The following SEC23A variants were observed in gnomAD, a reference collection of about 807,000 sequenced individuals.
The protein encoded by SEC23A is SEC23 homolog A, COPII component.
Under a neutral mutation model 103.7 loss-of-function variants are expected in SEC23A, and 56 were observed. That is an observed-to-expected ratio of 0.54 (90% CI 0.44 to 0.67). SEC23A has a LOEUF of 0.67. Ranked by LOEUF, SEC23A falls within the 30% of genes least tolerant of loss-of-function variation. The pLI, the probability that SEC23A is intolerant of heterozygous loss-of-function variation, is 0.00. For synonymous variants in SEC23A, 281 were observed against 293.0 expected (o/e 0.96, Z 0.42); for missense variants, 784 against 936.4 (o/e 0.84, Z 2.12).
At chr14:39,057,817 A>G (rs1017790590) in intron 13 of SEC23A, among the ~76,000 whole-genome samples, 1 of 152,202 alleles carries the variant, frequency 6.6e-6, no homozygotes, top group Non-Finnish European at 1.5e-5. Context: ...TTTTCTCTCA[A>G]CCTAAGTAAT....
intron 7 of SEC23A, among the ~76,000 whole-genome samples, chr14:39,084,027 T>C (rs1231875878): frequency 2.0e-5 from 3 of 152,084 alleles, no homozygotes; most frequent in African/African-American, 7.2e-5. Flanking sequence ...CTATTTTGTT[T>C]TGTTTTGTTT....
chr14:39,040,796 T>C lies in SEC23A; in HGVS notation c.2078A>G (p.Gln693Arg), dbSNP rs1230685660. 1.9e-6 allele frequency: 3 copies of C among 1,614,234 alleles called. No homozygotes were observed. The highest frequency in any genetic ancestry group is 1.7e-5 in the Admixed American group (1 of 60,030). The change falls in exon 18 of 20, where the codon CAG (glutamine) becomes CGG (arginine). Residue 693 changes from glutamine (Q) to arginine (R), a missense_variant. This residue lies in a region of SEC23A where 101 missense variants were observed against 162.2 expected (regional missense o/e 0.62). Transcript: ENST00000307712. ...HLLQAPVDDA[Q>R]EILHSRFPMP... is the part of the protein sequence containing the mutation. ...TGGAAATCTGGAGTGAAGAATTTCC[T>C]GTGCATCATCCACTGGGGCTTGCAG...
Position 39,056,988 on chromosome 14 carries a change from A to T in SEC23A, c.1506-1692T>A, listed in dbSNP as rs116190228. 4.5e-3 allele frequency among the ~76,000 whole-genome samples: 692 copies of T among 152,190 alleles called. 7 individuals carry two copies. Among genetic ancestry groups the T allele is most frequent in the African/African-American group, 0.016 (667 of 41,518 alleles). ...TAAGGTGGGAGAATCACTTAAGCCC[A>T]GAAGTTTTAGTTCAGCCTGGGAAAC... On this transcript the variant is annotated intron_variant, in intron 13 of 19. Transcript: ENST00000307712.
At chr14:39,098,366 T>C (rs755395785) in intron 1 of SEC23A, among the ~76,000 whole-genome samples, 16 of 152,174 alleles carry the variant, frequency 1.1e-4, no homozygotes, top group Admixed American at 3.3e-4. Context: ...TGCAAACCTC[T>C]TCCACATTTA....
At chr14:39,084,757 C>T (rs1335297655) in intron 7 of SEC23A, among the ~76,000 whole-genome samples, 1 of 152,192 alleles carries the variant, frequency 6.6e-6, no homozygotes, top group Non-Finnish European at 1.5e-5. Flanking sequence ...GCAACCTCCG[C>T]CTCTTGGGTT....
intron 14 of SEC23A, among the ~76,000 whole-genome samples, chr14:39,048,979 T>C (rs1409064356): frequency 6.6e-6 from 1 of 152,108 alleles, no homozygotes; most frequent in Non-Finnish European, 1.5e-5. Flanking sequence ...GGATATTTTT[T>C]AACTAAGTGT....
At chr14:39,048,528 A>T in intron 15 of SEC23A, 124 bp downstream of exon 15, 1 of 669,848 alleles carries the variant, frequency 1.5e-6, no homozygotes, top group Non-Finnish European at 2.7e-6. Context: ...TAAGCCCCGG[A>T]GTTCCAGGTT....
intron 7 of SEC23A, among the ~76,000 whole-genome samples, chr14:39,080,865 T>C (rs905110091): frequency 8.6e-5 from 13 of 151,688 alleles, no homozygotes; most frequent in Non-Finnish European, 1.2e-4. Flanking sequence ...ACAAAAACCC[T>C]ACAAGATAAA....
intron 1 of SEC23A, among the ~76,000 whole-genome samples, chr14:39,099,570 T>C (rs982285536): frequency 2.0e-5 from 3 of 152,210 alleles, no homozygotes; most frequent in Admixed American, 6.5e-5. Flanking sequence ...TTTGATAGTA[T>C]ATAACAAAAT....
rs61406777 is a variant in SEC23A at position 39,102,003 on chromosome 14, G to A, written c.-22+1029C>T. Among the ~76,000 whole-genome samples the A allele has an allele frequency of 1.5e-4, 23 of 152,158 alleles. No individual in the cohort carries two copies. The South Asian group carries it at 4.4e-3, about 29-fold the overall frequency. On this transcript the variant is annotated intron_variant, in intron 1 of 19. Coordinates refer to ENST00000307712, the MANE Select transcript of SEC23A (RefSeq NM_006364.4). Reference sequence around the variant, plus strand: ...TCCCAGCACTTTGGGAGGCCGAGGCGGGCGGATCACCTGAGGTCAGGAGTT... The same window carrying A: ...TCCCAGCACTTTGGGAGGCCGAGGCAGGCGGATCACCTGAGGTCAGGAGTT...
At chr14:39,101,560 T>G (rs896595086) in intron 1 of SEC23A, among the ~76,000 whole-genome samples, 3 of 151,612 alleles carry the variant, frequency 2.0e-5, no homozygotes, top group Non-Finnish European at 4.4e-5. Flanking sequence ...GAGGCGGAGG[T>G]TGCAGTGAGC....
chr14:39,086,965 C>T lies in SEC23A; in HGVS notation c.647G>A (p.Arg216His), dbSNP rs773794829. 10 of 1,598,028 alleles carry T rather than the reference C, an allele frequency of 6.3e-6. No homozygotes were observed. Among genetic ancestry groups the T allele is most frequent in the African/African-American group, 2.7e-5 (2 of 74,528 alleles). Residue 216 changes from arginine to histidine, a missense_variant, in exon 6 of 20, where the codon CGT becomes CAT. By Grantham distance (29) the Arg-to-His change is conservative. This residue lies in a region of SEC23A where 683 missense variants were observed against 774.2 expected (regional missense o/e 0.88). Coordinates refer to ENST00000307712, the MANE Select transcript of SEC23A (RefSeq NM_006364.4). ...AGGTGGCTGCTGTACCTGAGGACCA[C>T]GTGTTGCTTGAGTAAGTGGTACTTT... ...LSKVPLTQATRGPQVQQPPPS... is the reference protein window; with the variant it reads ...LSKVPLTQATHGPQVQQPPPS...
intron 7 of SEC23A, among the ~76,000 whole-genome samples, chr14:39,081,903 T>G (rs1010211628): frequency 4.6e-5 from 7 of 152,136 alleles, no homozygotes; most frequent in African/African-American, 7.2e-5. Context: ...CGCTGGGACC[T>G]AGAATTAATG....
At chr14:39,049,249 G>A (rs548011116) in intron 14 of SEC23A, among the ~76,000 whole-genome samples, 21 of 151,644 alleles carry the variant, frequency 1.4e-4, no homozygotes, top group Admixed American at 9.2e-4. Context: ...AGGCCAAGGC[G>A]GGCGGATCAC....
intron 15 of SEC23A, 106 bp from the exon 16 acceptor site, chr14:39,045,430 CAT>C: frequency 2.6e-6 from 2 of 756,168 alleles, no homozygotes; most frequent in Non-Finnish European, 4.2e-6. Flanking sequence ...CATAACAAAA[CAT>C]GTTATTATAA....
rs993403385 is a variant in SEC23A, at chr14:39,032,506, C to T, written c.*733G>A. The stretch of plus-strand genomic sequence containing the variant: ...TTTACTGCAAAGGCTTACTAAAATG[C>T]ACTCCAACAAAACCATTTATTTTCT... On this transcript the variant is annotated 3_prime_UTR_variant, in exon 20 of 20. Transcript: ENST00000307712. 4.6e-5 allele frequency: 7 copies of T among 152,618 alleles called. No individual in the cohort carries two copies. The highest frequency in any genetic ancestry group is 1.3e-4 in the Admixed American group (2 of 15,284). 9.5% of individuals were successfully genotyped at this position (152,618 alleles called of 1,614,324 possible).
At chr14:39,034,902 G>A (rs956646423) in intron 19 of SEC23A, among the ~76,000 whole-genome samples, 20 of 152,068 alleles carry the variant, frequency 1.3e-4, no homozygotes, top group African/African-American at 3.9e-4. Flanking sequence ...TCTTACGGCC[G>A]TTCATGGATA....
At chr14:39,083,563 CTTTT>C (rs71130810) in intron 7 of SEC23A, among the ~76,000 whole-genome samples, 1 of 91,810 alleles carries the variant, frequency 1.1e-5, no homozygotes, top group African/African-American at 4.1e-5. Context: ...AATAAACTTT[CTTTT>C]TTTTTTTTTT....
At chr14:39,047,783 C>T (rs886257990) in intron 15 of SEC23A, among the ~76,000 whole-genome samples, 24 of 152,176 alleles carry the variant, frequency 1.6e-4, no homozygotes, top group Non-Finnish European at 3.4e-4. Context: ...AAGAGGGATC[C>T]ATGTCAGTCA....
Sources: gnomAD v4.1 joint callset for allele counts (sites outside exome capture counted in the v4.1 genomes callset) on GRCh38, gnomAD v4.1.1 for gene constraint, gnomAD v4.1.1 regional missense constraint, MANE v1.5 for transcripts, NCBI Gene and HGNC (gene_info 2026-07-23, HGNC 2026-07-21) for gene names.